Variants in RBM41 observed in about 807,000 individuals in gnomAD.
RBM41 encodes RNA binding motif protein 41.
A neutral mutation model predicts 30.8 loss-of-function variants in RBM41; 14 were observed. That is an observed-to-expected ratio of 0.45 (90% confidence interval 0.30 to 0.71). The LOEUF (loss-of-function observed/expected upper bound fraction) is 0.71. RBM41 is among the 30% of genes least tolerant of loss of function. The pLI, the probability that RBM41 is intolerant of heterozygous loss-of-function variation, is 0.08. For missense variants in RBM41, 276 were observed against 326.3 expected (o/e 0.85, Z 1.19); for synonymous variants, 120 against 110.1 (o/e 1.09, Z -0.56).
intron 1 of RBM41, among the ~76,000 whole-genome samples, chrX:107,117,077 G>A (rs1924940455): frequency 8.9e-6 from 1 of 111,870 alleles, no homozygotes; most frequent in Admixed American, 9.5e-5. Flanking sequence ...GCAGCGGGGG[G>A]AGGAGAGAAT....
intron 6 of RBM41, among the ~76,000 whole-genome samples, chrX:107,087,728 C>T (rs1922161242): frequency 8.9e-6 from 1 of 111,991 alleles, no homozygotes; most frequent in African/African-American, 3.2e-5. Flanking sequence ...GCCTCAGCCT[C>T]CACAAGCTGG....
chrX:107,084,746 T>C (rs758983398), intron 6 of RBM41, among the ~76,000 whole-genome samples: 20 of 112,032 alleles, frequency 1.8e-4, no homozygotes, highest in Non-Finnish European at 3.0e-4. Flanking sequence ...TGCCCGTTTC[T>C]TCAGATTTCA....
chrX:107,065,882 TTC>T lies in RBM41; in HGVS notation c.*1643_*1644del. 1 of 649,267 alleles carries T rather than the reference TTC, an allele frequency of 1.5e-6. No homozygotes were observed. The highest frequency in any genetic ancestry group is 2.1e-6 in the Non-Finnish European group (1 of 483,168). The allele number at this position is 649,267 out of a possible 1,213,427, so 53.5% of individuals were successfully genotyped here. A position where few individuals can be genotyped will look rare whatever the true frequency, so the allele number is the denominator to read the frequency against. ...GAAAAAAGAAAAATGCATAGATTGT[TTC>T]TGATAATTACATAATTATTTTTGCC... On this transcript the variant is annotated 3_prime_UTR_variant, in exon 8 of 8. Coordinates refer to ENST00000685964, the MANE Select transcript of RBM41 (RefSeq NM_001324242.2).
intron 6 of RBM41, among the ~76,000 whole-genome samples, chrX:107,079,522 A>G (rs1921310615): frequency 8.9e-6 from 1 of 111,777 alleles, no homozygotes; most frequent in Non-Finnish European, 1.9e-5. Flanking sequence ...ACATATTTCC[A>G]AAGATGCTTA....
At chrX:107,090,028 T>C (rs1270802460) in intron 5 of RBM41, among the ~76,000 whole-genome samples, 1 of 112,501 alleles carries the variant, frequency 8.9e-6, no homozygotes, top group African/African-American at 3.2e-5. Flanking sequence ...GGATAAATGC[T>C]TGATTCTTTG....
At chrX:107,092,274 A>T (rs1354131286) in intron 5 of RBM41, among the ~76,000 whole-genome samples, 1 of 110,954 alleles carries the variant, frequency 9.0e-6, no homozygotes, top group Admixed American at 9.6e-5. Context: ...GACCAAAAAA[A>T]AAAAACCCCA....
intron 5 of RBM41, among the ~76,000 whole-genome samples, chrX:107,101,932 T>C (rs1442313353): frequency 9.0e-6 from 1 of 111,210 alleles, no homozygotes; most frequent in Non-Finnish European, 1.9e-5. Context: ...ATTGAGGAGA[T>C]TGTTGGTAGA....
the RBM41 span, among the ~76,000 whole-genome samples, chrX:107,054,376 G>A: frequency 1.2e-4 from 13 of 111,157 alleles, no homozygotes; most frequent in Admixed American, 8.6e-4. Context: ...CTCATCCTTC[G>A]GACCTGTGTA....
chrX:107,070,102 T>C (rs1164858048), intron 6 of RBM41: 2 of 270,080 alleles, frequency 7.4e-6, no homozygotes, highest in East Asian at 2.0e-4. Flanking sequence ...CAGAAATAAA[T>C]GTGAAGGGAT....
chrX:107,118,256 T>G (rs1331231279), intron 1 of RBM41, among the ~76,000 whole-genome samples: 1 of 94,531 alleles, frequency 1.1e-5, no homozygotes, highest in Non-Finnish European at 2.1e-5. Context: ...CTTCCACATT[T>G]AGAAACAAAG....
chrX:107,083,817 C>T (rs1286670504), intron 6 of RBM41, among the ~76,000 whole-genome samples: 1 of 110,958 alleles, frequency 9.0e-6, no homozygotes, highest in East Asian at 2.8e-4. Flanking sequence ...TTATTCATAG[C>T]CTACTTAGTA....
intron 5 of RBM41, among the ~76,000 whole-genome samples, chrX:107,092,773 T>C (rs1321961103): frequency 9.0e-6 from 1 of 111,723 alleles, no homozygotes; most frequent in Non-Finnish European, 1.9e-5. Context: ...CTAGTGGGAA[T>C]GTGTATACAC....
intron 5 of RBM41, chrX:107,112,943 T>G: frequency 3.2e-6 from 1 of 309,812 alleles, no homozygotes; most frequent in Non-Finnish European, 6.2e-6. Flanking sequence ...ATTCTCTTTC[T>G]TGATTGTGGT....
chrX:107,087,014 G>C (rs1389579079), intron 6 of RBM41, among the ~76,000 whole-genome samples: 3 of 111,619 alleles, frequency 2.7e-5, no homozygotes, highest in Non-Finnish European at 3.8e-5. Context: ...ATATGGCTAT[G>C]TAGTAAAAAT....
intron 5 of RBM41, among the ~76,000 whole-genome samples, chrX:107,103,367 T>C (rs920741014): frequency 3.6e-5 from 4 of 110,741 alleles, no homozygotes; most frequent in African/African-American, 1.3e-4. Context: ...TACATGAGAA[T>C]GCTATGTGAT....
At chrX:107,094,182 A>G (rs953660711) in intron 5 of RBM41, among the ~76,000 whole-genome samples, 3 of 112,410 alleles carry the variant, frequency 2.7e-5, no homozygotes, top group African/African-American at 6.5e-5. Flanking sequence ...AGAAAAGGGA[A>G]GAGAAGGAAA....
chrX:107,091,566 T>C (rs1393091955), intron 5 of RBM41, among the ~76,000 whole-genome samples: 1 of 112,187 alleles, frequency 8.9e-6, no homozygotes, highest in Non-Finnish European at 1.9e-5. Flanking sequence ...GAAACTGTTA[T>C]ACAGTACCTT....
chrX:107,069,981 G>A (rs1935995154), intron 6 of RBM41: 1 of 191,291 alleles, frequency 5.2e-6, no homozygotes, highest in African/African-American at 3.1e-5. Context: ...AACCAACTCA[G>A]CACACTGAAG....
chrX:107,105,272 C>T, intron 5 of RBM41, among the ~76,000 whole-genome samples: 1 of 108,883 alleles, frequency 9.2e-6, no homozygotes, highest in Non-Finnish European at 1.9e-5. Context: ...TTCACAATTG[C>T]TTCAAAGAGA....
Sources: gnomAD v4.1 joint callset for allele counts (sites outside exome capture counted in the v4.1 genomes callset) on GRCh38, gnomAD v4.1.1 for gene constraint, MANE v1.5 for transcripts, NCBI Gene and HGNC (gene_info 2026-07-23, HGNC 2026-07-21) for gene names.